Variants in IL1RAPL2 observed in about 807,000 individuals in gnomAD.
IL1RAPL2 encodes the protein interleukin 1 receptor accessory protein like 2.
A neutral mutation model predicts 44.1 loss-of-function variants in IL1RAPL2; 3 were observed. That is an observed-to-expected ratio of 0.07 (90% CI 0.03 to 0.18). The LOEUF (loss-of-function observed/expected upper bound fraction) is 0.18. Among genes scored for constraint, IL1RAPL2 ranks in the 10% least tolerant of loss-of-function variants. The probability of loss-of-function intolerance (pLI) is 1.00; values close to 1 mark genes in which losing one functional copy is unlikely to be tolerated. For missense variants in IL1RAPL2, 391 were observed against 496.4 expected (o/e 0.79, Z 2.02); for synonymous variants, 181 against 178.8 (o/e 1.01, Z -0.10).
At chrX:104,720,115 A>G (rs945059537) in intron 2 of IL1RAPL2, among the ~76,000 whole-genome samples, 2 of 111,999 alleles carry the variant, frequency 1.8e-5, no homozygotes, top group Non-Finnish European at 3.8e-5. Context: ...CTATTTCTAC[A>G]TTCCATTATG....
rs182601604 is a variant in IL1RAPL2 at position 105,563,032 on chromosome X, G to A, written c.772+78645G>A. Among the ~76,000 whole-genome samples the A allele has an allele frequency of 4.5e-5, 5 of 111,671 alleles. 1 individual carries two copies. In the Admixed American group the frequency reaches 4.8e-4, roughly 11 times the overall value. ...ATCGTTAAGAATAAAAATGAAGCAGGGTAAGGTAAAAGACAGTAAGGGTGA... is the reference window on the plus strand; with the variant it reads ...ATCGTTAAGAATAAAAATGAAGCAGAGTAAGGTAAAAGACAGTAAGGGTGA... On this transcript the variant is annotated intron_variant, in intron 6 of 10. Coordinates refer to ENST00000372582, the MANE Select transcript of IL1RAPL2 (RefSeq NM_017416.2).
At chrX:105,658,642 G>C (rs2037693524) in intron 6 of IL1RAPL2, among the ~76,000 whole-genome samples, 1 of 70 alleles carries the variant, frequency 0.014, no homozygotes, top group Admixed American at 0.33. Flanking sequence ...CTGGCCAACA[G>C]GGTGAAACCT....
chrX:105,249,195 A>G (rs2034248400), intron 4 of IL1RAPL2, among the ~76,000 whole-genome samples: 1 of 111,284 alleles, frequency 9.0e-6, no homozygotes, highest in Non-Finnish European at 1.9e-5. Flanking sequence ...TTGCAACAAC[A>G]TGGATGGAAC....
chrX:104,754,756 C>T lies in IL1RAPL2; in HGVS notation c.82+95761C>T, dbSNP rs999958864. Among the ~76,000 whole-genome samples, 8 of 111,922 alleles carry T rather than the reference C, an allele frequency of 7.1e-5. No individual in the cohort carries two copies. The East Asian group carries it at 8.4e-4, about 12-fold the overall frequency. ...TATAATGTGTTTTTAATAAAATACT[C>T]GTGTGCAATGGCATTTTATAGGAAT... On this transcript the variant is annotated intron_variant, in intron 2 of 10. Coordinates refer to ENST00000372582, the MANE Select transcript of IL1RAPL2 (RefSeq NM_017416.2).
At chrX:105,424,246 G>A (rs2035793051) in intron 5 of IL1RAPL2, among the ~76,000 whole-genome samples, 1 of 112,106 alleles carries the variant, frequency 8.9e-6, no homozygotes, top group Non-Finnish European at 1.9e-5. Context: ...AGAGACATGA[G>A]ACATAAATCA....
chrX:105,706,392 T>C (rs1484173661), intron 6 of IL1RAPL2, among the ~76,000 whole-genome samples: 1 of 111,997 alleles, frequency 8.9e-6, no homozygotes, highest in Admixed American at 9.5e-5. Context: ...TGGAAAATGA[T>C]TGGGCATTAT....
chrX:104,687,471 G>A (rs1036695083), intron 2 of IL1RAPL2, among the ~76,000 whole-genome samples: 1 of 111,274 alleles, frequency 9.0e-6, no homozygotes, highest in Non-Finnish European at 1.9e-5. Context: ...AGCCATTTAC[G>A]AGGAATCTGC....
At chrX:105,127,806 A>G (rs763405408) in intron 2 of IL1RAPL2, among the ~76,000 whole-genome samples, 3 of 111,285 alleles carry the variant, frequency 2.7e-5, no homozygotes, top group South Asian at 7.4e-4. Context: ...GAAAATGCAA[A>G]CAAACTAAAA....
chrX:105,717,601 G>A (rs2038268180), intron 7 of IL1RAPL2, 105 bp downstream of exon 7: 1 of 781,385 alleles, frequency 1.3e-6, no homozygotes, highest in Non-Finnish European at 1.8e-6. Flanking sequence ...CTGATCTTAT[G>A]GAGAGACCAA....
Position 104,733,356 on chromosome X carries a change from C to T in IL1RAPL2, c.82+74361C>T, listed in dbSNP as rs373312205. 3.7e-4 allele frequency among the ~76,000 whole-genome samples: 41 copies of T among 110,960 alleles called. No homozygotes were observed. The East Asian group carries it at 0.011, about 29-fold the overall frequency. On this transcript the variant is annotated intron_variant, in intron 2 of 10. Transcript: ENST00000372582. ...CCTGTAATCCCAGCACTTTGCGAGG[C>T]CGAGGTGGGCGGATTGCCTGAGGTT... is the stretch of plus-strand genomic sequence containing the variant.
At chrX:104,820,637 G>A (rs1602743416) in intron 2 of IL1RAPL2, among the ~76,000 whole-genome samples, 3 of 111,513 alleles carry the variant, frequency 2.7e-5, no homozygotes, top group Admixed American at 1.9e-4. Flanking sequence ...TAGCAGTTGC[G>A]GTAGAATAAA....
chrX:104,627,069 G>A (rs941683326), intron 1 of IL1RAPL2, among the ~76,000 whole-genome samples: 5 of 109,355 alleles, frequency 4.6e-5, no homozygotes, highest in African/African-American at 1.7e-4. Context: ...CGCCCGCCTC[G>A]GCCTTCTAAA....
chrX:104,672,017 TGGCTTATTTA>T (rs1930614177), intron 2 of IL1RAPL2, among the ~76,000 whole-genome samples: 1 of 111,875 alleles, frequency 8.9e-6, no homozygotes, highest in Non-Finnish European at 1.9e-5. Flanking sequence ...GTCAGTGACT[TGGCTTATTTA>T]GGATTCATGT....
intron 2 of IL1RAPL2, among the ~76,000 whole-genome samples, chrX:105,188,798 A>G (rs2033611303): frequency 8.9e-6 from 1 of 112,579 alleles, no homozygotes; most frequent in Admixed American, 9.4e-5. Context: ...GGAGTGGGAA[A>G]TCTTTCTATT....
chrX:105,579,152 G>A (rs2037071266), intron 6 of IL1RAPL2, among the ~76,000 whole-genome samples: 1 of 111,338 alleles, frequency 9.0e-6, no homozygotes, highest in Non-Finnish European at 1.9e-5. Flanking sequence ...ATTTTTCCCT[G>A]CAACTAAATT....
intron 5 of IL1RAPL2, among the ~76,000 whole-genome samples, chrX:105,431,755 T>C (rs983902948): frequency 9.0e-6 from 1 of 111,375 alleles, no homozygotes; most frequent in African/African-American, 3.3e-5. Context: ...TTACTCTAGA[T>C]ATTCTCTATA....
chrX:104,882,057 C>T (rs1390154600), intron 2 of IL1RAPL2, among the ~76,000 whole-genome samples: 1 of 112,312 alleles, frequency 8.9e-6, no homozygotes, highest in East Asian at 2.8e-4. Context: ...ATATATGCTT[C>T]TCTTTATGGA....
chrX:105,107,774 T>C (rs1206134962), intron 2 of IL1RAPL2, among the ~76,000 whole-genome samples: 1 of 111,670 alleles, frequency 9.0e-6, no homozygotes, highest in African/African-American at 3.3e-5. Flanking sequence ...TCCCATCCAT[T>C]ATCACGTCAC....
At chrX:105,066,860 C>G (rs1442303892) in intron 2 of IL1RAPL2, among the ~76,000 whole-genome samples, 2 of 111,398 alleles carry the variant, frequency 1.8e-5, no homozygotes, top group African/African-American at 3.3e-5. Context: ...TCTCCCTTCC[C>G]AGAATCTTCT....
Sources: allele counts gnomAD v4.1 joint callset (sites outside exome capture counted in the v4.1 genomes callset), GRCh38; gene constraint gnomAD v4.1.1; transcripts MANE v1.5; gene names NCBI Gene and HGNC (gene_info 2026-07-23, HGNC 2026-07-21).